The following BTBD9 variants were observed in gnomAD, a reference collection of about 807,000 sequenced individuals.
BTBD9 encodes the protein BTB/POZ domain-containing protein 9.
A neutral mutation model predicts 64.3 loss-of-function variants in BTBD9; 49 were observed. The observed-to-expected ratio is 0.76, with a 90% CI of 0.61 to 0.97. BTBD9 has a LOEUF of 0.97. BTBD9 is among the 50% of genes least tolerant of loss of function. The probability of loss-of-function intolerance (pLI) is 0.00; values close to 1 mark genes in which losing one functional copy is unlikely to be tolerated. For missense variants in BTBD9, 598 were observed against 762.1 expected, an observed-to-expected ratio of 0.78 and a Z score of 2.53; for synonymous variants, 260 against 274.7, an observed-to-expected ratio of 0.95 and a Z score of 0.53.
intron 7 of BTBD9, among the ~76,000 whole-genome samples, chr6:38,291,044 T>C (rs567959974): frequency 3.1e-4 from 47 of 152,376 alleles, no homozygotes; most frequent in African/African-American, 1.1e-3. Flanking sequence ...TGTCTTCTTG[T>C]ATTCCCAGGT....
At chr6:38,247,250 A>T (rs532780677) in intron 9 of BTBD9, among the ~76,000 whole-genome samples, 1 of 152,150 alleles carries the variant, frequency 6.6e-6, no homozygotes, top group Admixed American at 6.5e-5. Context: ...TACTGAGGCT[A>T]TAACTCTCCA....
At chr6:38,280,346 A>T (rs984213767) in intron 8 of BTBD9, among the ~76,000 whole-genome samples, 1 of 152,242 alleles carries the variant, frequency 6.6e-6, no homozygotes, top group Non-Finnish European at 1.5e-5. Context: ...AGAGTGATGC[A>T]GATAGGCTCA....
intron 7 of BTBD9, among the ~76,000 whole-genome samples, chr6:38,317,757 T>C (rs944953574): frequency 4.6e-5 from 7 of 152,170 alleles, no homozygotes. Context: ...TTTTCTTTTT[T>C]CTGCTTGATC....
At position 38,499,840 on chromosome 6, in the gene BTBD9, G is replaced by A. The variant is rs923385602; in HGVS notation, c.1154+77760C>T. ...AAATACGATATTCTGTTGACATCTTGTTCCTGCTTTCAAACAACCAGGTAT... is the reference window on the plus strand; with the variant it reads ...AAATACGATATTCTGTTGACATCTTATTCCTGCTTTCAAACAACCAGGTAT... On this transcript the variant is annotated intron_variant, in intron 6 of 10. Transcript: ENST00000481247. Among the ~76,000 whole-genome samples the A allele has an allele frequency of 2.6e-5, 4 of 152,188 alleles. No individual in the cohort carries two copies. In the South Asian group the frequency reaches 6.2e-4, roughly 24 times the overall value.
intron 10 of BTBD9, among the ~76,000 whole-genome samples, chr6:38,177,305 G>A (rs894474524): frequency 3.9e-5 from 6 of 152,060 alleles, no homozygotes; most frequent in African/African-American, 9.7e-5. Flanking sequence ...CTCTTGCAAC[G>A]TTCTCTACAG....
At chr6:38,256,561 G>A in intron 8 of BTBD9, 45 bp from the exon 9 acceptor site, 1 of 1,420,662 alleles carries the variant, frequency 7.0e-7, no homozygotes, top group Non-Finnish European at 9.9e-7. Context: ...TGTTTTAACT[G>A]GTTGTTTCTT....
rs1765555718 is a variant in BTBD9 at position 38,374,283 on chromosome 6, GTATATATATATATGTATATATATGTA to G, written c.1155-29216_1155-29191del. On this transcript the variant is annotated intron_variant, in intron 6 of 10. Transcript: ENST00000481247. Reference sequence around the variant, plus strand: ...GGCCTTGTGTCGAAAAAAAAAAAAAGTATATATATATATGTATATATATGTATATATATATATATATATGTATATAA... The same window carrying G: ...GGCCTTGTGTCGAAAAAAAAAAAAAGTATATATATATATATATGTATATAA... 1.9e-3 allele frequency among the ~76,000 whole-genome samples: 85 copies of G among 45,474 alleles called. 12 individuals are homozygous for G. Among genetic ancestry groups the G allele is most frequent in the African/African-American group, 0.011 (66 of 6,204 alleles). The allele number at this position is 45,474 out of a possible 152,430, so 29.8% of individuals were successfully genotyped here.
In BTBD9 at chr6:38,198,915, C is replaced by T. The variant is rs1030508273; in HGVS notation, c.1563-6318G>A. Reference sequence around the variant, plus strand: ...TCGGCACCTCAGAGAGGAAGGCACACAGAAAGCAAGTGGAATCACACCACA... The same window carrying T: ...TCGGCACCTCAGAGAGGAAGGCACATAGAAAGCAAGTGGAATCACACCACA... On this transcript the variant is annotated intron_variant, in intron 9 of 10. Coordinates refer to ENST00000481247, the MANE Select transcript of BTBD9 (RefSeq NM_001099272.2). 1.3e-5 allele frequency among the ~76,000 whole-genome samples: 2 copies of T among 152,156 alleles called. 1 individual carries two copies. The highest frequency in any genetic ancestry group is 2.9e-5 in the Non-Finnish European group (2 of 68,032).
At chr6:38,217,132 C>A (rs1233997056) in intron 9 of BTBD9, among the ~76,000 whole-genome samples, 1 of 146,382 alleles carries the variant, frequency 6.8e-6, no homozygotes, top group Non-Finnish European at 1.5e-5. Context: ...CATGGTGAAA[C>A]CCTTTCTCTA....
intron 6 of BTBD9, among the ~76,000 whole-genome samples, chr6:38,373,338 T>C (rs1765503611): frequency 6.6e-6 from 1 of 152,234 alleles, no homozygotes; most frequent in Admixed American, 6.5e-5. Flanking sequence ...TATTTTTCTC[T>C]ATTGAACCTC....
chr6:38,635,618 T>C (rs71571333), intron 1 of BTBD9, among the ~76,000 whole-genome samples: 1 of 152,150 alleles, frequency 6.6e-6, no homozygotes, highest in African/African-American at 2.4e-5. Flanking sequence ...TGGGAATAGG[T>C]TGACATGATC....
chr6:38,375,160 T>C (rs1249953961), intron 6 of BTBD9, among the ~76,000 whole-genome samples: 2 of 152,222 alleles, frequency 1.3e-5, no homozygotes, highest in African/African-American at 2.4e-5. Context: ...AGAAATGCTA[T>C]TGAGTTGTCC....
At chr6:38,251,090 A>T (rs200499266) in intron 9 of BTBD9, among the ~76,000 whole-genome samples, 377 of 128,080 alleles carry the variant, frequency 2.9e-3, no homozygotes, top group Non-Finnish European at 5.1e-3. Flanking sequence ...TCAGAAAAAA[A>T]AAAAATAATA....
chr6:38,432,374 A>AATTTGGAATTAAGTATG, intron 6 of BTBD9, among the ~76,000 whole-genome samples: 1 of 151,976 alleles, frequency 6.6e-6, no homozygotes, highest in African/African-American at 2.4e-5. Flanking sequence ...GAGCGGGAGG[A>AATTTGGAATTAAGTATG]ATTTGGAATT....
chr6:38,403,821 A>G (rs144916056), intron 6 of BTBD9, among the ~76,000 whole-genome samples: 6 of 152,346 alleles, frequency 3.9e-5, no homozygotes, highest in African/African-American at 9.6e-5. Context: ...AAAGACTAAA[A>G]TGGCCCAAAT....
intron 6 of BTBD9, among the ~76,000 whole-genome samples, chr6:38,533,962 TG>T (rs1773904715): frequency 6.6e-6 from 1 of 151,860 alleles, no homozygotes; most frequent in African/African-American, 2.4e-5. Flanking sequence ...AACCTAATGA[TG>T]CATCTTAAAG....
At chr6:38,325,779 T>C (rs79116357) in intron 7 of BTBD9, among the ~76,000 whole-genome samples, 4,071 of 152,322 alleles carry the variant, frequency 0.027, 58 homozygotes, top group Middle Eastern at 0.041. Context: ...TCAGAAAGAT[T>C]GTCTTATTTA....
chr6:38,633,546 T>C (rs899570010), intron 1 of BTBD9, among the ~76,000 whole-genome samples: 3 of 152,190 alleles, frequency 2.0e-5, no homozygotes, highest in African/African-American at 7.2e-5. Flanking sequence ...GGACACAGAC[T>C]GCCAGAATAT....
chr6:38,386,825 T>TGTATA, intron 6 of BTBD9, among the ~76,000 whole-genome samples: 1 of 152,132 alleles, frequency 6.6e-6, no homozygotes, highest in Non-Finnish European at 1.5e-5. Flanking sequence ...TACACTTTTG[T>TGTATA]AAAGACAGGG....
Sources: gnomAD v4.1 joint callset for allele counts (sites outside exome capture counted in the v4.1 genomes callset) on GRCh38, gnomAD v4.1.1 for gene constraint, MANE v1.5 for transcripts, NCBI Gene and HGNC (gene_info 2026-07-23, HGNC 2026-07-21) for gene names.